Variants in CYSLTR2 observed in about 807,000 individuals in gnomAD.
The protein encoded by CYSLTR2 is G-protein coupled receptor GPCR21.
For synonymous variants in CYSLTR2, 179 were observed against 160.8 expected (o/e 1.11, Z -0.86); for missense variants, 398 against 411.9 (o/e 0.97, Z 0.29).
chr13:48,673,517 T>C (rs1211415518), intron 1 of CYSLTR2, among the ~76,000 whole-genome samples: 1 of 150,176 alleles, frequency 6.7e-6, no homozygotes, highest in Non-Finnish European at 1.5e-5. Context: ...TATGTGTGTC[T>C]TTGCATATGG....
chr13:48,701,602 A>G (rs943201251), intron 4 of CYSLTR2, among the ~76,000 whole-genome samples: 6 of 152,238 alleles, frequency 3.9e-5, no homozygotes, highest in Non-Finnish European at 7.3e-5. Context: ...TGGGCAAAGG[A>G]TATGAACAGA....
At chr13:48,674,911 A>G (rs2138867697) in intron 1 of CYSLTR2, among the ~76,000 whole-genome samples, 1 of 152,232 alleles carries the variant, frequency 6.6e-6, no homozygotes, top group African/African-American at 2.4e-5. Flanking sequence ...AGTTTGCTGG[A>G]GGTCTATTCC....
intron 1 of CYSLTR2, among the ~76,000 whole-genome samples, chr13:48,687,852 G>A (rs1317194730): frequency 6.6e-6 from 1 of 152,194 alleles, no homozygotes; most frequent in South Asian, 2.1e-4. Flanking sequence ...ACATAAGAAG[G>A]ACTGTCCTGA....
chr13:48,660,773 C>G (rs1178788268), intron 1 of CYSLTR2, among the ~76,000 whole-genome samples: 1 of 152,146 alleles, frequency 6.6e-6, no homozygotes, highest in Non-Finnish European at 1.5e-5. Flanking sequence ...ACATTTGGAG[C>G]CTGTTACAAA....
At chr13:48,688,671 G>A (rs577199240) in intron 1 of CYSLTR2, among the ~76,000 whole-genome samples, 5 of 152,202 alleles carry the variant, frequency 3.3e-5, no homozygotes, top group East Asian at 1.9e-4. Flanking sequence ...TGGACATTTG[G>A]GTTGGTTCCA....
intron 4 of CYSLTR2, among the ~76,000 whole-genome samples, chr13:48,700,669 C>G (rs941831336): frequency 6.6e-6 from 1 of 152,202 alleles, no homozygotes; most frequent in East Asian, 1.9e-4. Context: ...CTGGCCAGGG[C>G]AATCAGGCAA....
intron 1 of CYSLTR2, among the ~76,000 whole-genome samples, chr13:48,683,169 G>T (rs1953804168): frequency 6.6e-6 from 1 of 152,104 alleles, no homozygotes; most frequent in Non-Finnish European, 1.5e-5. Context: ...TTGCTATTGT[G>T]AATAGTGCTG....
intron 1 of CYSLTR2, among the ~76,000 whole-genome samples, chr13:48,684,525 A>G (rs1006133289): frequency 6.6e-6 from 1 of 151,930 alleles, no homozygotes; most frequent in African/African-American, 2.4e-5. Flanking sequence ...CAGGTGTTGA[A>G]GTTAGATCAT....
chr13:48,696,105 A>G (rs529821525), intron 3 of CYSLTR2, among the ~76,000 whole-genome samples: 3 of 152,340 alleles, frequency 2.0e-5, no homozygotes, highest in African/African-American at 7.2e-5. Context: ...GTATGTAGTA[A>G]TACCTCACTG....
At chr13:48,659,662 A>G (rs1953081603) in intron 1 of CYSLTR2, among the ~76,000 whole-genome samples, 1 of 152,190 alleles carries the variant, frequency 6.6e-6, no homozygotes, top group South Asian at 2.1e-4. Context: ...ATGTTGATCA[A>G]TCCGTAGGGA....
At chr13:48,673,151 G>A (rs1353397758) in intron 1 of CYSLTR2, among the ~76,000 whole-genome samples, 1 of 152,146 alleles carries the variant, frequency 6.6e-6, no homozygotes, top group Non-Finnish European at 1.5e-5. Flanking sequence ...TTCAAGTCCT[G>A]AATATCCTTG....
At chr13:48,673,379 T>C (rs957058489) in intron 1 of CYSLTR2, among the ~76,000 whole-genome samples, 2 of 152,022 alleles carry the variant, frequency 1.3e-5, no homozygotes, top group African/African-American at 4.8e-5. Flanking sequence ...TTGCCTTTTT[T>C]GATCTTTGTT....
chr13:48,706,276 G>C (rs140169780), intron 4 of CYSLTR2, among the ~76,000 whole-genome samples: 4 of 152,166 alleles, frequency 2.6e-5, no homozygotes, highest in African/African-American at 4.8e-5. Flanking sequence ...GATTACGGGC[G>C]TGAGCCACCA....
At chr13:48,662,319 T>G (rs1365021876) in intron 1 of CYSLTR2, among the ~76,000 whole-genome samples, 1 of 152,206 alleles carries the variant, frequency 6.6e-6, no homozygotes, top group Non-Finnish European at 1.5e-5. Context: ...AGTAAACATG[T>G]CAGTGCAGAC....
At chr13:48,656,113 G>A (rs1336195398) in intron 1 of CYSLTR2, among the ~76,000 whole-genome samples, 1 of 152,112 alleles carries the variant, frequency 6.6e-6, no homozygotes, top group Non-Finnish European at 1.5e-5. Flanking sequence ...GCTATGTCTG[G>A]TTGGTGGTAA....
chr13:48,659,651 A>C (rs1218838797), intron 1 of CYSLTR2, among the ~76,000 whole-genome samples: 1 of 152,174 alleles, frequency 6.6e-6, no homozygotes, highest in East Asian at 1.9e-4. Context: ...GGAGGACCCT[A>C]ATGTTGATCA....
At chr13:48,663,074 G>T (rs1575464) in intron 1 of CYSLTR2, among the ~76,000 whole-genome samples, 89,133 of 151,898 alleles carry the variant, frequency 0.59, 28,271 homozygotes, top group African/African-American at 0.85. Context: ...CATCCAGTTT[G>T]CCCAGAACCA....
At chr13:48,665,178 C>T (rs1400683710) in intron 1 of CYSLTR2, among the ~76,000 whole-genome samples, 3 of 151,898 alleles carry the variant, frequency 2.0e-5, no homozygotes, top group African/African-American at 4.8e-5. Context: ...ATAAGTTACT[C>T]GGTATGATTT....
intron 4 of CYSLTR2, 192 bp from the exon 5 acceptor site, chr13:48,706,625 A>C: frequency 4.0e-5 from 21 of 520,960 alleles, no homozygotes; most frequent in East Asian, 6.4e-5. Flanking sequence ...AAAAATCAGG[A>C]AATTTAAATT....
Sources: allele counts gnomAD v4.1 joint callset (sites outside exome capture counted in the v4.1 genomes callset), GRCh38; gene constraint gnomAD v4.1.1; transcripts MANE v1.5; gene names NCBI Gene and HGNC (gene_info 2026-07-23, HGNC 2026-07-21).